EPB41L4A: variants seen among roughly 807,000 people sequenced by gnomAD.
The protein encoded by EPB41L4A is band 4.1-like protein 4A.
EPB41L4A carries 100 observed loss-of-function variants against 108.6 expected under a neutral mutation model. That is an observed-to-expected ratio of 0.92 (90% confidence interval 0.78 to 1.09). The LOEUF is 1.09. Among genes scored for constraint, EPB41L4A ranks in the 50% least tolerant of loss-of-function variants. The pLI, the probability that EPB41L4A is intolerant of heterozygous loss-of-function variation, is 0.00. For synonymous variants in EPB41L4A, 319 were observed against 289.0 expected (o/e 1.10, Z -1.05); for missense variants, 1,030 against 842.7 (o/e 1.22, Z -2.75).
intron 2 of EPB41L4A, among the ~76,000 whole-genome samples, chr5:112,284,690 T>C (rs1412725179): frequency 9.2e-5 from 14 of 152,160 alleles, no homozygotes; most frequent in Admixed American, 9.2e-4. Flanking sequence ...TCCTAAACAC[T>C]CCATCACTGA....
At chr5:112,168,701 T>C (rs1760393857) in intron 22 of EPB41L4A, 38 bp downstream of exon 22, 1 of 1,539,172 alleles carries the variant, frequency 6.5e-7, no homozygotes, top group African/African-American at 1.4e-5. Flanking sequence ...AAAATTGTCA[T>C]CAATACAACA....
intron 1 of EPB41L4A, among the ~76,000 whole-genome samples, chr5:112,325,420 G>A (rs1344288898): frequency 6.7e-6 from 1 of 149,448 alleles, no homozygotes; most frequent in Non-Finnish European, 1.5e-5. Context: ...CAGCCTGGGT[G>A]ACACTGCGAG....
chr5:112,329,325 A>G (rs1264813944), intron 1 of EPB41L4A, among the ~76,000 whole-genome samples: 1 of 152,232 alleles, frequency 6.6e-6, no homozygotes, highest in East Asian at 1.9e-4. Flanking sequence ...ATCATATTTT[A>G]CTGAAGAGCA....
intron 2 of EPB41L4A, among the ~76,000 whole-genome samples, chr5:112,297,292 C>A (rs1481584824): frequency 1.3e-5 from 2 of 152,110 alleles, no homozygotes; most frequent in Non-Finnish European, 2.9e-5. Context: ...CATATCCATG[C>A]CAAAATCTAT....
intron 9 of EPB41L4A, among the ~76,000 whole-genome samples, chr5:112,258,528 C>T (rs928695128): frequency 2.0e-5 from 3 of 152,162 alleles, no homozygotes; most frequent in African/African-American, 4.8e-5. Flanking sequence ...ACTCATGTAT[C>T]CCATAATATG....
In EPB41L4A at chr5:112,340,598, C is replaced by G. The variant is rs969318449; in HGVS notation, c.100-33108G>C. On this transcript the variant is annotated intron_variant, in intron 1 of 22. Transcript: ENST00000261486. Reference sequence around the variant, plus strand: ...TATAAAGACTAAATAGCAATAAAAACAGATCCCTGCTCTGTAGAACATCAA... The same window carrying G: ...TATAAAGACTAAATAGCAATAAAAAGAGATCCCTGCTCTGTAGAACATCAA... 8.5e-5 allele frequency among the ~76,000 whole-genome samples: 13 copies of G among 152,164 alleles called. 1 individual carries two copies. Among genetic ancestry groups the G allele is most frequent in the Admixed American group, 8.5e-4 (13 of 15,282 alleles).
chr5:112,246,174 AT>A (rs1049410562), intron 9 of EPB41L4A, among the ~76,000 whole-genome samples: 217 of 151,754 alleles, frequency 1.4e-3, no homozygotes, highest in African/African-American at 5.1e-3. Context: ...TTAGGGAGAA[AT>A]TTTTTTTTCT....
chr5:112,394,330 T>G (rs1015719104), intron 1 of EPB41L4A, among the ~76,000 whole-genome samples: 2 of 152,150 alleles, frequency 1.3e-5, no homozygotes, highest in Non-Finnish European at 2.9e-5. Flanking sequence ...TGATTGTATA[T>G]TTAGAAAACA....
intron 2 of EPB41L4A, among the ~76,000 whole-genome samples, chr5:112,307,175 A>C (rs1754743904): frequency 6.6e-6 from 1 of 152,196 alleles, no homozygotes; most frequent in Non-Finnish European, 1.5e-5. Flanking sequence ...AGACGACTAC[A>C]CATGTACAGA....
intron 1 of EPB41L4A, among the ~76,000 whole-genome samples, chr5:112,339,716 A>G (rs940821537): frequency 2.6e-4 from 40 of 151,612 alleles, no homozygotes; most frequent in Non-Finnish European, 5.6e-4. Context: ...TTGTATTTTT[A>G]GTAGAGAGGC....
chr5:112,201,240 C>G (rs1762205548), intron 15 of EPB41L4A, among the ~76,000 whole-genome samples: 1 of 152,216 alleles, frequency 6.6e-6, no homozygotes, highest in South Asian at 2.1e-4. Context: ...GTAAGTGCAT[C>G]AGGCAAAAGG....
chr5:112,364,970 A>AT (rs1262019849), intron 1 of EPB41L4A, among the ~76,000 whole-genome samples: 1 of 152,194 alleles, frequency 6.6e-6, no homozygotes, highest in African/African-American at 2.4e-5. Context: ...TAAATCTAAG[A>AT]TTAAGATAAA....
At chr5:112,189,533 C>T (rs530424633) in intron 17 of EPB41L4A, among the ~76,000 whole-genome samples, 2 of 152,276 alleles carry the variant, frequency 1.3e-5, no homozygotes, top group East Asian at 1.9e-4. Flanking sequence ...GTTTATGATG[C>T]AAACATCCTA....
chr5:112,400,602 C>T (rs1156609980), intron 1 of EPB41L4A, among the ~76,000 whole-genome samples: 1 of 152,086 alleles, frequency 6.6e-6, no homozygotes, highest in Non-Finnish European at 1.5e-5. Flanking sequence ...TGCAAGAACT[C>T]ATTCACTAAT....
intron 12 of EPB41L4A, among the ~76,000 whole-genome samples, chr5:112,214,971 T>TA (rs1373509561): frequency 6.6e-6 from 1 of 152,126 alleles, no homozygotes; most frequent in Non-Finnish European, 1.5e-5. Context: ...AAAAACTTCA[T>TA]AAGGCCTCAA....
chr5:112,268,854 A>G (rs951308512), intron 4 of EPB41L4A, among the ~76,000 whole-genome samples: 1 of 151,138 alleles, frequency 6.6e-6, no homozygotes, highest in African/African-American at 2.4e-5. Flanking sequence ...AAAAAAAAAA[A>G]AAAAAAAAAA....
rs536735896 is a variant in EPB41L4A, at chr5:112,171,615, A to G, written c.1623-623T>C. Reference sequence around the variant, plus strand: ...ATTGACTCTGCAAATCTTTTCTCCAAGAAGTATGTGAGCAGATATTATACC... The same window carrying G: ...ATTGACTCTGCAAATCTTTTCTCCAGGAAGTATGTGAGCAGATATTATACC... On this transcript the variant is annotated intron_variant, in intron 18 of 22. Coordinates refer to ENST00000261486, the MANE Select transcript of EPB41L4A (RefSeq NM_022140.5). Among the ~76,000 whole-genome samples, 14 of 152,358 alleles carry G rather than the reference A, an allele frequency of 9.2e-5. No homozygotes were observed. The South Asian group carries it at 2.9e-3, about 32-fold the overall frequency.
At chr5:112,178,514 T>G (rs190964617) in intron 18 of EPB41L4A, among the ~76,000 whole-genome samples, 23 of 152,250 alleles carry the variant, frequency 1.5e-4, no homozygotes, top group Admixed American at 1.4e-3. Context: ...TTATTCATCA[T>G]TAAAAACCAT....
chr5:112,213,188 T>C (rs1308479540), intron 12 of EPB41L4A, among the ~76,000 whole-genome samples: 2 of 152,150 alleles, frequency 1.3e-5, no homozygotes, highest in Non-Finnish European at 2.9e-5. Flanking sequence ...CAAAATAAAT[T>C]GTTCTACTGT....
Sources: allele counts gnomAD v4.1 joint callset (sites outside exome capture counted in the v4.1 genomes callset), GRCh38; gene constraint gnomAD v4.1.1; transcripts MANE v1.5; gene names NCBI Gene and HGNC (gene_info 2026-07-23, HGNC 2026-07-21).